Variants in MCCC1 observed in about 807,000 individuals in gnomAD.
MCCC1 encodes methylcrotonoyl-CoA carboxylase subunit alpha, mitochondrial.
MCCC1 carries 64 observed loss-of-function variants against 83.8 expected under a neutral mutation model. The ratio of observed to expected loss-of-function variants is 0.76; its 90% CI spans 0.62 to 0.94. The LOEUF is 0.94. Ranked by LOEUF, MCCC1 falls within the 40% of genes least tolerant of loss-of-function variation. The pLI, the probability that MCCC1 is intolerant of heterozygous loss-of-function variation, is 0.00. For synonymous variants in MCCC1, 322 were observed against 315.4 expected, an observed-to-expected ratio of 1.02 and a Z score of -0.22; for missense variants, 807 against 904.7, an observed-to-expected ratio of 0.89 and a Z score of 1.39.
At chr3:183,053,278 C>A (rs887555541) in intron 8 of MCCC1, among the ~76,000 whole-genome samples, 1 of 151,864 alleles carries the variant, frequency 6.6e-6, no homozygotes, top group Non-Finnish European at 1.5e-5. Context: ...TGATACCAGC[C>A]TGGCAAGAAT....
chr3:183,109,294 G>A (rs1255731725), intron 1 of MCCC1, among the ~76,000 whole-genome samples: 1 of 151,950 alleles, frequency 6.6e-6, no homozygotes, highest in Non-Finnish European at 1.5e-5. Flanking sequence ...GCCTGGCCAT[G>A]TGTAGGTTAT....
chr3:183,116,108 G>A (rs924332194), upstream of MCCC1: 1 of 153,560 alleles, frequency 6.5e-6, no homozygotes, highest in African/African-American at 2.4e-5. Flanking sequence ...ACTGGCCGGC[G>A]GCCAATGGGG....
At chr3:183,113,395 T>A (rs1356222484) in intron 1 of MCCC1, among the ~76,000 whole-genome samples, 1 of 115,852 alleles carries the variant, frequency 8.6e-6, no homozygotes, top group African/African-American at 3.4e-5. Context: ...AAGGGGAACA[T>A]CATACTCCGG....
intron 11 of MCCC1, among the ~76,000 whole-genome samples, chr3:183,039,762 T>G (rs528153332): frequency 6.6e-6 from 1 of 152,194 alleles, no homozygotes; most frequent in Admixed American, 6.5e-5. Context: ...TCCAGGATTT[T>G]GGCAGGTCAC....
At position 183,065,748 on chromosome 3, in the gene MCCC1, C is replaced by G. The variant is rs536194850; in HGVS notation, c.761+5251G>C. Among the ~76,000 whole-genome samples the G allele has an allele frequency of 5.3e-5, 8 of 152,186 alleles. No homozygotes were observed. In the South Asian group the frequency reaches 1.0e-3, roughly 20 times the overall value. ...AAAAATTAATCTTGTAAAAGAAATT[C>G]TGTGTGTGAACATATTGTCTAAAGT... On this transcript the variant is annotated intron_variant, in intron 7 of 18. Coordinates refer to ENST00000265594, the MANE Select transcript of MCCC1 (RefSeq NM_020166.5).
intron 15 of MCCC1, among the ~76,000 whole-genome samples, chr3:183,024,968 A>T (rs1712465546): frequency 6.6e-6 from 1 of 152,204 alleles, no homozygotes; most frequent in East Asian, 1.9e-4. Context: ...CTTAAAAAAA[A>T]AAAAAAAGGA....
chr3:183,106,580 C>A (rs1185678080), intron 1 of MCCC1, among the ~76,000 whole-genome samples: 1 of 151,858 alleles, frequency 6.6e-6, no homozygotes, highest in Non-Finnish European at 1.5e-5. Flanking sequence ...CTCACTGCAA[C>A]CTCAGCCTCC....
At chr3:183,101,767 C>A (rs570846897), upstream of MCCC1, among the ~76,000 whole-genome samples, 2 of 152,192 alleles carry the variant, frequency 1.3e-5, no homozygotes, top group African/African-American at 4.8e-5. Context: ...TGCTACTGCT[C>A]ACTCTTTGGG....
At chr3:183,067,830 G>C (rs892480551) in intron 7 of MCCC1, among the ~76,000 whole-genome samples, 8 of 152,138 alleles carry the variant, frequency 5.3e-5, no homozygotes, top group African/African-American at 1.9e-4. Flanking sequence ...TACTGTTGTG[G>C]AATATATTAC....
At chr3:183,104,215 G>C (rs938071271), upstream of MCCC1, among the ~76,000 whole-genome samples, 58 of 152,204 alleles carry the variant, frequency 3.8e-4, no homozygotes, top group Non-Finnish European at 7.5e-4. Context: ...GTGGGCTGAA[G>C]GGCTCCTCAA....
chr3:183,032,296 T>C (rs983752238), intron 14 of MCCC1, among the ~76,000 whole-genome samples: 16 of 152,200 alleles, frequency 1.1e-4, no homozygotes, highest in Non-Finnish European at 2.9e-5. Flanking sequence ...TTCTGTTCAA[T>C]TCAGGTTGAA....
chr3:183,114,146 T>A (rs1014448755), intron 1 of MCCC1, among the ~76,000 whole-genome samples: 28 of 152,288 alleles, frequency 1.8e-4, no homozygotes, highest in Admixed American at 1.8e-3. Context: ...TGCCCAAGAA[T>A]TCGTCTGATT....
In MCCC1 at chr3:183,037,215, T is replaced by C. The variant is rs1713684846; in HGVS notation, c.1594+3A>G. The stretch of plus-strand genomic sequence containing the variant: ...GCAGAGGAAAGAGAAAAGCCTTCCA[T>C]ACCATGTGCCTGAAGAGTGAAAGTG... On this transcript the variant is annotated splice_donor_region_variant and intron_variant, in intron 13 of 18. Coordinates refer to ENST00000265594, the MANE Select transcript of MCCC1 (RefSeq NM_020166.5). 3 of 1,613,160 alleles carry C rather than the reference T, an allele frequency of 1.9e-6. No individual in the cohort carries two copies. The highest frequency in any genetic ancestry group is 1.1e-5 in the South Asian group (1 of 91,036).
In MCCC1 at chr3:183,046,801, T is replaced by C. The variant is rs545485772; in HGVS notation, c.956-1261A>G. Among the ~76,000 whole-genome samples the C allele has an allele frequency of 3.3e-5, 5 of 152,338 alleles. No homozygotes were observed. In the East Asian group the frequency reaches 5.8e-4, roughly 18 times the overall value. On this transcript the variant is annotated intron_variant, in intron 9 of 18. Transcript: ENST00000265594. ...AGCTGAACAAGCTGAAAATCAACAATTTTTAAATTTGTCAGAGAAATCAGG... is the reference window on the plus strand; with the variant it reads ...AGCTGAACAAGCTGAAAATCAACAACTTTTAAATTTGTCAGAGAAATCAGG...
upstream of MCCC1, among the ~76,000 whole-genome samples, chr3:183,103,036 C>T (rs546334625): frequency 1.3e-5 from 2 of 151,990 alleles, no homozygotes; most frequent in East Asian, 3.9e-4. Flanking sequence ...AATGAAACCG[C>T]AGATCCTCGC....
intron 7 of MCCC1, among the ~76,000 whole-genome samples, chr3:183,069,876 C>A (rs1358770361): frequency 6.6e-6 from 1 of 152,154 alleles, no homozygotes; most frequent in Non-Finnish European, 1.5e-5. Flanking sequence ...ACTGCATTTG[C>A]TATAGTGGTA....
chr3:183,022,221 C>T (rs897604135), intron 16 of MCCC1, among the ~76,000 whole-genome samples, 196 bp downstream of exon 16: 5 of 152,044 alleles, frequency 3.3e-5, no homozygotes, highest in African/African-American at 4.8e-5. Flanking sequence ...TCTGTGTGAA[C>T]GAGAGAAGTG....
At chr3:183,103,816 G>T (rs1288876002), upstream of MCCC1, among the ~76,000 whole-genome samples, 2 of 152,194 alleles carry the variant, frequency 1.3e-5, no homozygotes, top group Non-Finnish European at 2.9e-5. Flanking sequence ...CATCGGGAAG[G>T]CTCGGGCCGC....
chr3:183,107,534 T>TTTGTTG (rs530964558), intron 1 of MCCC1, among the ~76,000 whole-genome samples: 360 of 151,208 alleles, frequency 2.4e-3, no homozygotes, highest in Non-Finnish European at 3.7e-3. Flanking sequence ...ATTATTATTA[T>TTTGTTG]TTGTTGTTGT....
Sources: gnomAD v4.1 joint callset for allele counts (sites outside exome capture counted in the v4.1 genomes callset) on GRCh38, gnomAD v4.1.1 for gene constraint, MANE v1.5 for transcripts, NCBI Gene and HGNC (gene_info 2026-07-23, HGNC 2026-07-21) for gene names.